FLT3LG: variants seen among roughly 807,000 people sequenced by gnomAD.
FLT3LG encodes fms-related tyrosine kinase 3 ligand.
A neutral mutation model predicts 30.9 loss-of-function variants in FLT3LG; 8 were observed. That is an observed-to-expected ratio of 0.26 (90% CI 0.15 to 0.47). FLT3LG has a LOEUF of 0.47. Among genes scored for constraint, FLT3LG ranks in the 20% least tolerant of loss-of-function variants. The pLI is 0.99. For missense variants in FLT3LG, 278 were observed against 306.2 expected (o/e 0.91, Z 0.69); for synonymous variants, 123 against 135.9 (o/e 0.91, Z 0.66).
chr19:49,476,435 G>A lies in FLT3LG; in HGVS notation c.211G>A (p.Gly71Arg). Residue 71 changes from glycine to arginine, a missense_variant, in exon 5 of 9, where the codon GGG (glycine) becomes AGG (arginine). Gly to Arg is a moderately radical substitution (Grantham distance 125). Around this residue, in one of 3 missense-constraint regions of FLT3LG, gnomAD observed 68 missense variants for 110.0 expected, o/e 0.62. Transcript: ENST00000597551. The surrounding 1 kb of genome is among the most constrained non-coding windows in gnomAD (Gnocchi z 5.3). ...ASNLQDEELCGGLWRLVLAQR... is the reference protein window; with the variant it reads ...ASNLQDEELCRGLWRLVLAQR... ...TTCTCCCCTCTAGGAGGAGCTCTGC[G>A]GGGGCCTCTGGCGGCTGGTCCTGGC... 10 of 1,613,326 alleles carry A rather than the reference G, an allele frequency of 6.2e-6. No individual in the cohort carries two copies. Among genetic ancestry groups the A allele is most frequent in the Non-Finnish European group, 8.5e-6 (10 of 1,179,752 alleles).
chr19:49,477,568 T>C (rs1195038535), intron 5 of FLT3LG, among the ~76,000 whole-genome samples: 1 of 144,408 alleles, frequency 6.9e-6, no homozygotes, highest in Non-Finnish European at 1.5e-5. Flanking sequence ...ATGAAAACCA[T>C]CTCTACTAAA....
Position 49,476,649 on chromosome 19 carries a change from G to A in FLT3LG, c.342+83G>A. On this transcript the variant is annotated intron_variant, in intron 5 of 8. Coordinates refer to ENST00000597551, the MANE Select transcript of FLT3LG (RefSeq NM_001459.4). This position sits in a 1 kb window ranked among gnomAD's most constrained non-coding sequence, Gnocchi z 5.3. ...AAGTAAAGCTCCACTAGGCCTTATT[G>A]GCGATTTGGACCATAGCCACCCAAC... 12 of 1,583,244 alleles carry A rather than the reference G, an allele frequency of 7.6e-6. No individual in the cohort carries two copies. The South Asian group carries it at 1.1e-4, about 15-fold the overall frequency.
Position 49,476,842 on chromosome 19 carries a change from A to AG in FLT3LG, c.342+277dup, listed in dbSNP as rs1236158211. 2.4e-6 allele frequency: 1 copy of AG among 414,996 alleles called. No individual in the cohort carries two copies. Among genetic ancestry groups the AG allele is most frequent in the Non-Finnish European group, 4.4e-6 (1 of 228,568 alleles). 25.7% of individuals were successfully genotyped at this position (414,996 alleles called of 1,614,324 possible). ...TCTTCCCCCAAAAAAAAACAGGGAG[A>AG]GAAGGGGTCTCTAAACTGAGGAGGC... On this transcript the variant is annotated intron_variant, in intron 5 of 8. Transcript: ENST00000597551. This position sits in a 1 kb window ranked among gnomAD's most constrained non-coding sequence, Gnocchi z 5.3.
chr19:49,483,718 T>A (rs2079693351), intron 8 of FLT3LG, among the ~76,000 whole-genome samples: 1 of 151,068 alleles, frequency 6.6e-6, no homozygotes, highest in Non-Finnish European at 1.5e-5. Context: ...CAAGACCCTG[T>A]CTCAAAAACA....
chr19:49,478,695 C>T (rs1297981674), intron 5 of FLT3LG, among the ~76,000 whole-genome samples: 4 of 151,518 alleles, frequency 2.6e-5, no homozygotes, highest in South Asian at 4.2e-4. Flanking sequence ...ATCACTTGAA[C>T]CTGGGAGGCA....
chr19:49,476,054 T>C lies in FLT3LG; in HGVS notation c.145-91T>C. The C allele has an allele frequency of 7.0e-7, 1 of 1,421,668 alleles. No homozygotes were observed. Among genetic ancestry groups the C allele is most frequent in the Non-Finnish European group, 9.9e-7 (1 of 1,007,654 alleles). 88.1% of individuals were successfully genotyped at this position (1,421,668 alleles called of 1,614,324 possible). On this transcript the variant is annotated intron_variant, in intron 3 of 8. Coordinates refer to ENST00000597551, the MANE Select transcript of FLT3LG (RefSeq NM_001459.4). This position sits in a 1 kb window ranked among gnomAD's most constrained non-coding sequence, Gnocchi z 5.3. Reference sequence around the variant, plus strand: ...GCTCCCCCTCTCTTGGTCTTGTCCCTCTCTCTCTGGATCTCTGCTGCCACC... The same window carrying C: ...GCTCCCCCTCTCTTGGTCTTGTCCCCCTCTCTCTGGATCTCTGCTGCCACC...
chr19:49,483,918 T>C (rs931189835), intron 8 of FLT3LG, among the ~76,000 whole-genome samples: 1 of 141,834 alleles, frequency 7.1e-6, no homozygotes, highest in African/African-American at 2.6e-5. Context: ...TCTAAATTGC[T>C]CTGTCGCCCA....
intron 6 of FLT3LG, among the ~76,000 whole-genome samples, chr19:49,479,487 G>A (rs536629571): frequency 7.1e-6 from 1 of 141,774 alleles, no homozygotes; most frequent in Admixed American, 7.2e-5. Flanking sequence ...GAGCCACAGT[G>A]CCCAGCCTAC....
Position 49,476,403 on chromosome 19 carries a change from C to A in FLT3LG, c.199-20C>A, listed in dbSNP as rs1216487149. On this transcript the variant is annotated intron_variant, in intron 4 of 8. Transcript: ENST00000597551. The surrounding 1 kb of genome is among the most constrained non-coding windows in gnomAD (Gnocchi z 5.3). The stretch of plus-strand genomic sequence containing the variant: ...CCCGTGCCCAGCTCCTCCCTCAGAC[C>A]CGTGGGTTCTCCCCTCTAGGAGGAG... 6.2e-7 allele frequency: 1 copy of A among 1,605,776 alleles called. No homozygotes were observed. Among genetic ancestry groups the A allele is most frequent in the South Asian group, 1.1e-5 (1 of 90,698 alleles).
Position 49,476,082 on chromosome 19 carries a change from T to C in FLT3LG, c.145-63T>C. On this transcript the variant is annotated intron_variant, in intron 3 of 8. Coordinates refer to ENST00000597551, the MANE Select transcript of FLT3LG (RefSeq NM_001459.4). This position sits in a 1 kb window ranked among gnomAD's most constrained non-coding sequence, Gnocchi z 5.3. ...CTCTCTGGATCTCTGCTGCCACCTC[T>C]GGGTCCCCACAGTTCTGTTTCTCGC... The C allele has an allele frequency of 6.3e-7, 1 of 1,581,710 alleles. No homozygotes were observed. The highest frequency in any genetic ancestry group is 8.7e-7 in the Non-Finnish European group (1 of 1,151,052).
intron 8 of FLT3LG, among the ~76,000 whole-genome samples, chr19:49,484,813 T>C (rs2122588392): frequency 6.6e-6 from 1 of 152,266 alleles, no homozygotes; most frequent in African/African-American, 2.4e-5. Flanking sequence ...ATATTAATTT[T>C]ATTGTATCTC....
At position 49,476,380 on chromosome 19, in the gene FLT3LG, C is replaced by T. The variant is rs758743640; in HGVS notation, c.199-43C>T. 8.2e-6 allele frequency: 13 copies of T among 1,588,184 alleles called. No individual in the cohort carries two copies. The highest frequency in any genetic ancestry group is 9.4e-6 in the Non-Finnish European group (11 of 1,165,068). ...CCTCCTCCCTCAGACCCAGCAGCCC[C>T]GTGCCCAGCTCCTCCCTCAGACCCG... On this transcript the variant is annotated intron_variant, in intron 4 of 8. Coordinates refer to ENST00000597551, the MANE Select transcript of FLT3LG (RefSeq NM_001459.4). This position sits in a 1 kb window ranked among gnomAD's most constrained non-coding sequence, Gnocchi z 5.3.
At chr19:49,479,474 C>A (rs1361720195) in intron 6 of FLT3LG, among the ~76,000 whole-genome samples, 1 of 132,768 alleles carries the variant, frequency 7.5e-6, no homozygotes. Flanking sequence ...GGATTACAGG[C>A]GTGAGCCACA....
At chr19:49,477,708 C>G (rs1310469516) in intron 5 of FLT3LG, among the ~76,000 whole-genome samples, 1 of 151,982 alleles carries the variant, frequency 6.6e-6, no homozygotes, top group Non-Finnish European at 1.5e-5. Context: ...CACCACTGCC[C>G]TCCAGCCTGG....
chr19:49,478,295 A>G (rs1340099327), intron 5 of FLT3LG, among the ~76,000 whole-genome samples: 3 of 150,588 alleles, frequency 2.0e-5, no homozygotes, highest in South Asian at 2.1e-4. Context: ...ATGAAACCCC[A>G]TCTCTACTAA....
At chr19:49,485,770 A>G (rs2079781735) in intron 8 of FLT3LG, among the ~76,000 whole-genome samples, 1 of 152,216 alleles carries the variant, frequency 6.6e-6, no homozygotes, top group South Asian at 2.1e-4. Flanking sequence ...CACCAGCCTC[A>G]GCCTCCCAAA....
rs958477825 is a variant in FLT3LG at position 49,476,797 on chromosome 19, G to A, written c.342+231G>A. 6 of 525,552 alleles carry A rather than the reference G, an allele frequency of 1.1e-5. No individual in the cohort carries two copies. The highest frequency in any genetic ancestry group is 9.7e-5 in the African/African-American group (5 of 51,556). The allele number at this position is 525,552 out of a possible 1,614,324, so 32.6% of individuals were successfully genotyped here. Reference sequence around the variant, plus strand: ...GGGCCCCGGTTTCCTAGGCCATGATGAAGGGTGCCACTGAGGGGTTCTTCC... The same window carrying A: ...GGGCCCCGGTTTCCTAGGCCATGATAAAGGGTGCCACTGAGGGGTTCTTCC... On this transcript the variant is annotated intron_variant, in intron 5 of 8. Coordinates refer to ENST00000597551, the MANE Select transcript of FLT3LG (RefSeq NM_001459.4). The surrounding 1 kb of genome is among the most constrained non-coding windows in gnomAD (Gnocchi z 5.3).
intron 6 of FLT3LG, 136 bp downstream of exon 6, chr19:49,479,183 T>A: frequency 4.0e-6 from 3 of 755,568 alleles, no homozygotes; most frequent in Non-Finnish European, 5.7e-6. Flanking sequence ...TTTCTGGAGC[T>A]CAGTTTACCA....
chr19:49,478,280 A>T (rs987853938), intron 5 of FLT3LG, among the ~76,000 whole-genome samples: 2 of 151,880 alleles, frequency 1.3e-5, no homozygotes, highest in East Asian at 1.9e-4. Context: ...ATCCTGGCTA[A>T]CACAATGAAA....
Sources: allele counts gnomAD v4.1 joint callset (sites outside exome capture counted in the v4.1 genomes callset), GRCh38; gene constraint gnomAD v4.1.1; regional missense constraint gnomAD v4.1.1; non-coding constraint Gnocchi (gnomAD v3.1); transcripts MANE v1.5; gene names NCBI Gene and HGNC (gene_info 2026-07-23, HGNC 2026-07-21).